The following LAMA1 variants were observed in gnomAD, a reference collection of about 807,000 sequenced individuals.
The protein encoded by LAMA1 is laminin subunit alpha 1.
LAMA1 carries 219 observed loss-of-function variants against 348.7 expected under a neutral mutation model. The observed-to-expected ratio is 0.63, with a 90% confidence interval of 0.56 to 0.70. The LOEUF (loss-of-function observed/expected upper bound fraction) is 0.70, where lower values mean the gene tolerates loss of function less well. Among genes scored for constraint, LAMA1 ranks in the 30% least tolerant of loss-of-function variants. The probability of loss-of-function intolerance (pLI) is 0.00; values close to 1 mark genes in which losing one functional copy is unlikely to be tolerated. For synonymous variants in LAMA1, 1,487 were observed against 1,491.0 expected (o/e 1.00, Z 0.06); for missense variants, 3,744 against 3,888.0 (o/e 0.96, Z 0.99).
At chr18:7,011,955 T>C (rs766641808) in intron 24 of LAMA1, 40 bp downstream of exon 24, 1 of 1,564,964 alleles carries the variant, frequency 6.4e-7, no homozygotes, top group Non-Finnish European at 8.7e-7. Flanking sequence ...CCCAGGGGAG[T>C]GGGGTTAGAA....
At chr18:6,953,524 G>A (rs986810743) in intron 57 of LAMA1, among the ~76,000 whole-genome samples, 2 of 152,168 alleles carry the variant, frequency 1.3e-5, no homozygotes, top group Non-Finnish European at 2.9e-5. Context: ...GGTCCTGAAC[G>A]TATCCCCCGA....
chr18:7,104,206 TG>T (rs1025126637), intron 1 of LAMA1, among the ~76,000 whole-genome samples: 2 of 152,146 alleles, frequency 1.3e-5, no homozygotes, highest in African/African-American at 4.8e-5. Flanking sequence ...CTTGAACTCC[TG>T]ACCTCATGAT....
chr18:6,950,725 G>A (rs150613756), intron 58 of LAMA1, 57 bp downstream of exon 58: 78 of 1,583,070 alleles, frequency 4.9e-5, no homozygotes, highest in South Asian at 2.1e-4. Flanking sequence ...GAGTGAACCC[G>A]AGTGATAGAT....
At chr18:7,010,076 G>A (rs2144113246) in intron 26 of LAMA1, 124 bp downstream of exon 26, 1 of 1,080,006 alleles carries the variant, frequency 9.3e-7, no homozygotes, top group East Asian at 2.4e-5. Flanking sequence ...CAAAGTGGTG[G>A]GATTACAGGT....
At chr18:6,980,126 C>A (rs1194689927) in intron 42 of LAMA1, among the ~76,000 whole-genome samples, 1 of 152,206 alleles carries the variant, frequency 6.6e-6, no homozygotes, top group Admixed American at 6.5e-5. Context: ...AGCGAGCAGT[C>A]TTCAGTTCGC....
intron 30 of LAMA1, among the ~76,000 whole-genome samples, chr18:7,000,596 C>T (rs1303825093): frequency 1.3e-5 from 2 of 152,210 alleles, no homozygotes; most frequent in Non-Finnish European, 2.9e-5. Flanking sequence ...ATTTGATCTC[C>T]TCATTCATGG....
rs1328711203 is a variant in LAMA1, at chr18:6,947,605, TC to T, written c.8711-310del. ...GACACGTCCTCCCTGCGGCAGTCTT[TC>T]CCGTGGGCTGTTGGGATTTGATCCC... On this transcript the variant is annotated intron_variant, in intron 60 of 62. Transcript: ENST00000389658. 3.9e-5 allele frequency among the ~76,000 whole-genome samples: 6 copies of T among 152,334 alleles called. No individual in the cohort carries two copies. In the East Asian group the frequency reaches 1.2e-3, roughly 29 times the overall value.
chr18:6,959,555 T>G, intron 53 of LAMA1, 63 bp from the exon 54 acceptor site: 1 of 1,565,706 alleles, frequency 6.4e-7, no homozygotes, highest in Non-Finnish European at 8.7e-7. Flanking sequence ...TAGAAAACTT[T>G]CATCTTATGA....
At chr18:7,054,418 A>G (rs1219169324) in intron 3 of LAMA1, among the ~76,000 whole-genome samples, 1 of 152,216 alleles carries the variant, frequency 6.6e-6, no homozygotes, top group East Asian at 1.9e-4. Flanking sequence ...CTTAGCAAGC[A>G]TTCACTTTTC....
intron 45 of LAMA1, among the ~76,000 whole-genome samples, chr18:6,975,343 G>A (rs1381194657): frequency 6.6e-6 from 1 of 152,114 alleles, no homozygotes; most frequent in African/African-American, 2.4e-5. Context: ...GAGCACCAGG[G>A]AAGGCACTGA....
chr18:7,063,131 C>T (rs2058109153), intron 3 of LAMA1, among the ~76,000 whole-genome samples: 1 of 152,104 alleles, frequency 6.6e-6, no homozygotes, highest in Non-Finnish European at 1.5e-5. Flanking sequence ...CCTTTGGGCC[C>T]TAAATCTAGC....
At chr18:7,046,754 A>G (rs2144194063) in intron 5 of LAMA1, among the ~76,000 whole-genome samples, 1 of 152,356 alleles carries the variant, frequency 6.6e-6, no homozygotes, top group South Asian at 2.1e-4. Context: ...ACAAAAATCA[A>G]GAAATGTAAA....
chr18:6,956,360 C>T (rs2057577665), intron 56 of LAMA1: 2 of 588,400 alleles, frequency 3.4e-6, no homozygotes, highest in Non-Finnish European at 6.3e-6. Flanking sequence ...GATAATGAGT[C>T]CTTATAGAAG....
intron 19 of LAMA1, among the ~76,000 whole-genome samples, chr18:7,021,855 TA>T (rs1424413335): frequency 3.8e-5 from 5 of 131,906 alleles, no homozygotes; most frequent in Non-Finnish European, 6.3e-5. Flanking sequence ...TATTATATTA[TA>T]TATATTATAT....
At chr18:6,975,820 G>T in intron 45 of LAMA1, 117 bp downstream of exon 45, 1 of 1,202,674 alleles carries the variant, frequency 8.3e-7, no homozygotes, top group Non-Finnish European at 1.2e-6. Flanking sequence ...TAGTCCCTAT[G>T]GGAGATTTAG....
At chr18:7,091,002 A>G (rs1343510060) in intron 1 of LAMA1, among the ~76,000 whole-genome samples, 1 of 152,186 alleles carries the variant, frequency 6.6e-6, no homozygotes, top group Non-Finnish European at 1.5e-5. Context: ...TGAACAAGTT[A>G]ACCACAAATA....
At chr18:7,095,895 C>T (rs1306845865) in intron 1 of LAMA1, among the ~76,000 whole-genome samples, 2 of 152,108 alleles carry the variant, frequency 1.3e-5, no homozygotes, top group African/African-American at 4.8e-5. Context: ...AGTGAAACCC[C>T]GTCTCTACTA....
intron 37 of LAMA1, 57 bp downstream of exon 37, chr18:6,986,080 C>A: frequency 6.3e-7 from 1 of 1,589,500 alleles, no homozygotes; most frequent in Non-Finnish European, 8.6e-7. Context: ...TAATTGCTTA[C>A]GTTGGAGTAT....
rs570602446 is a variant in LAMA1 at position 7,077,988 on chromosome 18, C to T, written c.345+1987G>A. On this transcript the variant is annotated intron_variant, in intron 3 of 62. Coordinates refer to ENST00000389658, the MANE Select transcript of LAMA1 (RefSeq NM_005559.4). ...CTGAGGCAGGAGAATCGCGTGAACC[C>T]GGGAGGCAGAGGTTGCAGTGAGCCA... Among the ~76,000 whole-genome samples the T allele has an allele frequency of 9.2e-5, 13 of 141,874 alleles. No individual in the cohort carries two copies. In the South Asian group the frequency reaches 1.5e-3, roughly 16 times the overall value. The allele number at this position is 141,874 out of a possible 152,430, so 93.1% of individuals were successfully genotyped here. A position where few individuals can be genotyped will look rare whatever the true frequency, so the allele number is the denominator to read the frequency against.
Sources: allele counts gnomAD v4.1 joint callset (sites outside exome capture counted in the v4.1 genomes callset), GRCh38; gene constraint gnomAD v4.1.1; transcripts MANE v1.5; gene names NCBI Gene and HGNC (gene_info 2026-07-23, HGNC 2026-07-21).